The following KLHDC1 variants were observed in gnomAD, a reference collection of about 807,000 sequenced individuals.
The protein encoded by KLHDC1 is kelch domain containing 1.
KLHDC1 carries 53 observed loss-of-function variants against 68.3 expected under a neutral mutation model. The ratio of observed to expected loss-of-function variants is 0.78; its 90% CI spans 0.62 to 0.98. KLHDC1 has a LOEUF of 0.98. Among genes scored for constraint, KLHDC1 ranks in the 50% least tolerant of loss-of-function variants. The probability of loss-of-function intolerance (pLI) is 0.00; values close to 1 mark genes in which losing one functional copy is unlikely to be tolerated. For synonymous variants in KLHDC1, 148 were observed against 159.0 expected, an observed-to-expected ratio of 0.93 and a Z score of 0.52; for missense variants, 470 against 492.3, an observed-to-expected ratio of 0.95 and a Z score of 0.43.
intron 10 of KLHDC1, among the ~76,000 whole-genome samples, chr14:49,736,349 CT>C (rs1396174130): frequency 6.6e-6 from 1 of 152,094 alleles, no homozygotes; most frequent in Non-Finnish European, 1.5e-5. Context: ...AGGACATAAA[CT>C]ATCAGTCTGT....
chr14:49,730,246 CAG>C (rs1475448654), intron 8 of KLHDC1, among the ~76,000 whole-genome samples: 4 of 120,962 alleles, frequency 3.3e-5, no homozygotes, highest in Admixed American at 9.9e-5. Context: ...TTTTTTGAGA[CAG>C]AGTCTTGCTC....
At chr14:49,742,930 G>C (rs779456675) in intron 11 of KLHDC1, among the ~76,000 whole-genome samples, 1 of 151,678 alleles carries the variant, frequency 6.6e-6, no homozygotes, top group Admixed American at 6.6e-5. Context: ...ACACCAGCTG[G>C]ACGTGGTAGC....
At chr14:49,695,354 A>G (rs1185503279) in intron 1 of KLHDC1, among the ~76,000 whole-genome samples, 14 of 152,178 alleles carry the variant, frequency 9.2e-5, no homozygotes, top group East Asian at 3.9e-4. Flanking sequence ...TCCTTGATCC[A>G]TGGGCAACAG....
At chr14:49,716,244 G>A (rs1483578331) in intron 4 of KLHDC1, among the ~76,000 whole-genome samples, 1 of 152,086 alleles carries the variant, frequency 6.6e-6, no homozygotes, top group Non-Finnish European at 1.5e-5. Flanking sequence ...TGTTTTTCCA[G>A]GTTAATCTAC....
intron 5 of KLHDC1, among the ~76,000 whole-genome samples, chr14:49,724,198 T>A (rs1888610162): frequency 6.6e-6 from 1 of 152,214 alleles, no homozygotes; most frequent in South Asian, 2.1e-4. Context: ...CACAGATACC[T>A]GCTTCTGTTA....
intron 4 of KLHDC1, among the ~76,000 whole-genome samples, chr14:49,717,803 T>C (rs1428862560): frequency 2.0e-5 from 3 of 152,186 alleles, no homozygotes; most frequent in Non-Finnish European, 4.4e-5. Flanking sequence ...TTTTCTTTCT[T>C]GGGAGCGTTT....
At position 49,725,673 on chromosome 14, in the gene KLHDC1, A is replaced by G. The variant is rs1254308933; in HGVS notation, c.484-13A>G. The G allele has an allele frequency of 8.4e-7, 1 of 1,186,672 alleles. No homozygotes were observed. The highest frequency in any genetic ancestry group is 1.4e-5 in the South Asian group (1 of 71,468). The allele number at this position is 1,186,672 out of a possible 1,614,324, so 73.5% of individuals were successfully genotyped here. A position where few individuals can be genotyped will look rare whatever the true frequency, so the allele number is the denominator to read the frequency against. Reference sequence around the variant, plus strand: ...ATTAAAGCTTTGAGATATTTAAAACATTTCTCTTTTAGGAAGAGCAGATAT... The same window carrying G: ...ATTAAAGCTTTGAGATATTTAAAACGTTTCTCTTTTAGGAAGAGCAGATAT... On this transcript the variant is annotated splice_polypyrimidine_tract_variant and intron_variant, in intron 5 of 12. Transcript: ENST00000359332.
In KLHDC1 at chr14:49,751,812, T is replaced by C; in HGVS notation, c.*40T>C. On this transcript the variant is annotated 3_prime_UTR_variant, in exon 13 of 13. Transcript: ENST00000359332. ...TACATATTTAGTATGTTTTAACTTT[T>C]TAATCAGACTATACATTTACACTCC... 1 of 1,095,582 alleles carries C rather than the reference T, an allele frequency of 9.1e-7. No individual in the cohort carries two copies. The highest frequency in any genetic ancestry group is 1.3e-6 in the Non-Finnish European group (1 of 782,594). The allele number at this position is 1,095,582 out of a possible 1,614,324, so 67.9% of individuals were successfully genotyped here.
Position 49,693,208 on chromosome 14 carries a change from A to G in KLHDC1, c.14A>G (p.Gln5Arg). 1.9e-6 allele frequency: 3 copies of G among 1,582,394 alleles called. No individual in the cohort carries two copies. Among genetic ancestry groups the G allele is most frequent in the Non-Finnish European group, 2.6e-6 (3 of 1,166,070 alleles). The stretch of plus-strand genomic sequence containing the variant: ...GCGACGGCGCGAATGGCGGACTCTC[A>G]GCTGTTCTGTGTGGCGGAGGAACGC... MADS[Q>R]LFCVAEERSG... is the part of the protein sequence containing the mutation. The change falls in exon 1 of 13, where the codon CAG (glutamine) becomes CGG (arginine). Residue 5 changes from glutamine to arginine, a missense_variant. Coordinates refer to ENST00000359332, the MANE Select transcript of KLHDC1 (RefSeq NM_172193.3).
chr14:49,706,889 TG>T (rs1381431713), intron 1 of KLHDC1, among the ~76,000 whole-genome samples: 1 of 151,616 alleles, frequency 6.6e-6, no homozygotes, highest in African/African-American at 2.4e-5. Flanking sequence ...ATTAATCCCT[TG>T]TCACATGGGG....
intron 12 of KLHDC1, among the ~76,000 whole-genome samples, chr14:49,745,321 G>A (rs1436271096): frequency 2.0e-5 from 3 of 152,146 alleles, no homozygotes; most frequent in African/African-American, 7.2e-5. Flanking sequence ...ATTAATGCCT[G>A]TGTTCTGCCC....
intron 5 of KLHDC1, among the ~76,000 whole-genome samples, chr14:49,724,545 A>G (rs779908363): frequency 6.6e-6 from 1 of 151,954 alleles, no homozygotes; most frequent in Non-Finnish European, 1.5e-5. Flanking sequence ...AAATACATAT[A>G]TATGTGTATA....
At chr14:49,711,910 C>CTTTTTTTTTTTTTTTTTTTTT (rs992092493) in intron 4 of KLHDC1, among the ~76,000 whole-genome samples, 4 of 76,616 alleles carry the variant, frequency 5.2e-5, no homozygotes, top group Non-Finnish European at 8.0e-5. Flanking sequence ...TTTTCTTTTT[C>CTTTTTTTTTTTTTTTTTTTTT]TTTTTTTTTT....
At chr14:49,696,034 C>A (rs1025505130) in intron 1 of KLHDC1, among the ~76,000 whole-genome samples, 21 of 151,072 alleles carry the variant, frequency 1.4e-4, no homozygotes, top group African/African-American at 4.9e-4. Flanking sequence ...CCACTGCCCT[C>A]CAGCCTGGGC....
At chr14:49,742,757 A>C (rs1421931088) in intron 11 of KLHDC1, among the ~76,000 whole-genome samples, 1 of 151,870 alleles carries the variant, frequency 6.6e-6, no homozygotes, top group African/African-American at 2.4e-5. Context: ...AAATTTTTAC[A>C]TATGAGTTAT....
At chr14:49,741,760 C>G (rs2139766575) in intron 11 of KLHDC1, among the ~76,000 whole-genome samples, 1 of 152,210 alleles carries the variant, frequency 6.6e-6, no homozygotes, top group South Asian at 2.1e-4. Flanking sequence ...TCCTAGCACC[C>G]TGGGAAATTC....
rs1017043278 is a variant in KLHDC1, at chr14:49,745,199, C to G, written c.1034+1394C>G. Among the ~76,000 whole-genome samples, 8 of 152,272 alleles carry G rather than the reference C, an allele frequency of 5.3e-5. No homozygotes were observed. In the South Asian group the frequency reaches 1.7e-3, roughly 32 times the overall value. On this transcript the variant is annotated intron_variant, in intron 12 of 12. Coordinates refer to ENST00000359332, the MANE Select transcript of KLHDC1 (RefSeq NM_172193.3). ...TTTAGATGTTCTATAACATGAACCA[C>G]CTGAAAACCATTAGACTAGCTCAAA...
chr14:49,731,131 T>C (rs1015663755), intron 8 of KLHDC1, among the ~76,000 whole-genome samples: 19 of 151,974 alleles, frequency 1.3e-4, no homozygotes, highest in Non-Finnish European at 2.4e-4. Flanking sequence ...TACAAAACAA[T>C]TAGCCGGGTG....
intron 12 of KLHDC1, 109 bp downstream of exon 12, chr14:49,743,914 AAG>A: frequency 1.6e-6 from 1 of 636,756 alleles, no homozygotes; most frequent in Non-Finnish European, 2.8e-6. Context: ...ACATGAATTC[AAG>A]AATATGTTCA....
Sources: allele counts gnomAD v4.1 joint callset (sites outside exome capture counted in the v4.1 genomes callset), GRCh38; gene constraint gnomAD v4.1.1; transcripts MANE v1.5; gene names NCBI Gene and HGNC (gene_info 2026-07-23, HGNC 2026-07-21).